FHIT: variants seen among roughly 807,000 people sequenced by gnomAD.
FHIT encodes the protein fragile histidine triad diadenosine triphosphatase.
In FHIT, 19 loss-of-function variants were observed where a neutral mutation model predicts 17.9. The observed-to-expected ratio is 1.06, with a 90% CI of 0.74 to 1.56. The LOEUF (loss-of-function observed/expected upper bound fraction) is 1.56. Ranked by LOEUF, FHIT falls within the 40% of genes most tolerant of loss-of-function variation. The pLI, the probability that FHIT is intolerant of heterozygous loss-of-function variation, is 0.00. For missense variants in FHIT, 248 were observed against 189.2 expected, an observed-to-expected ratio of 1.31 and a Z score of -1.82; for synonymous variants, 81 against 69.7, an observed-to-expected ratio of 1.16 and a Z score of -0.81.
chr3:61,077,694 C>T (rs1361544086), intron 2 of FHIT, among the ~76,000 whole-genome samples: 1 of 152,098 alleles, frequency 6.6e-6, no homozygotes, highest in Admixed American at 6.5e-5. Flanking sequence ...ATCTGGAAAG[C>T]CTTTTTCAAA....
chr3:60,670,028 G>A (rs958265622), intron 4 of FHIT, among the ~76,000 whole-genome samples: 4 of 152,150 alleles, frequency 2.6e-5, no homozygotes, highest in Admixed American at 2.6e-4. Context: ...TTGGCAAACA[G>A]AAGTTTTAAT....
chr3:60,580,965 G>C (rs2107679485), intron 4 of FHIT, among the ~76,000 whole-genome samples: 1 of 152,176 alleles, frequency 6.6e-6, no homozygotes, highest in Admixed American at 6.6e-5. Context: ...CTTTTAAAAT[G>C]CAGATTCTGA....
At position 60,069,123 on chromosome 3, in the gene FHIT, A is replaced by T. The variant is rs17062052; in HGVS notation, c.104-54971T>A. Reference sequence around the variant, plus strand: ...TGATCCTGTTTATAATCAAATCTAGATAATGTACATAAAGGGATATTAAGT... The same window carrying T: ...TGATCCTGTTTATAATCAAATCTAGTTAATGTACATAAAGGGATATTAAGT... On this transcript the variant is annotated intron_variant, in intron 5 of 9. Coordinates refer to ENST00000492590, the MANE Select transcript of FHIT (RefSeq NM_002012.4). 8.3e-3 allele frequency among the ~76,000 whole-genome samples: 1,098 copies of T among 132,592 alleles called. 8 individuals are homozygous for T. The highest frequency in any genetic ancestry group is 0.034 in the African/African-American group (1,040 of 30,492). 87.0% of individuals were successfully genotyped at this position (132,592 alleles called of 152,430 possible).
intron 5 of FHIT, chr3:60,077,279 G>C (rs879690510): frequency 6.6e-6 from 1 of 151,872 alleles, no homozygotes; most frequent in South Asian, 2.1e-4. Context: ...ATGTGTATAA[G>C]TACACATGCA....
intron 3 of FHIT, among the ~76,000 whole-genome samples, chr3:60,919,512 T>C (rs571312670): frequency 2.0e-5 from 3 of 151,910 alleles, no homozygotes; most frequent in Non-Finnish European, 2.9e-5. Context: ...AGTGTATTCA[T>C]GGTGTGGAGA....
rs568778563 is a variant in FHIT at position 60,507,718 on chromosome 3, C to A, written c.103+29142G>T. On this transcript the variant is annotated intron_variant, in intron 5 of 9. Transcript: ENST00000492590. ...CCCAGTATACATTGTTTCCTCGGCC[C>A]ATATGTCCTTGTGTTCTCATCATTT... Among the ~76,000 whole-genome samples, 18 of 152,196 alleles carry A rather than the reference C, an allele frequency of 1.2e-4. No homozygotes were observed. The East Asian group carries it at 3.3e-3, about 28-fold the overall frequency.
intron 8 of FHIT, among the ~76,000 whole-genome samples, chr3:59,899,547 T>C (rs965524270): frequency 6.6e-6 from 1 of 152,054 alleles, no homozygotes; most frequent in African/African-American, 2.4e-5. Flanking sequence ...GAATCAGCTA[T>C]TGTAGGCCAG....
chr3:61,067,538 C>T (rs1410980444), intron 2 of FHIT, among the ~76,000 whole-genome samples: 1 of 151,712 alleles, frequency 6.6e-6, no homozygotes, highest in Non-Finnish European at 1.5e-5. Flanking sequence ...GGGTCAGCCA[C>T]ATAGACATGG....
At chr3:61,245,284 T>A (rs961295945) in intron 1 of FHIT, among the ~76,000 whole-genome samples, 1 of 152,184 alleles carries the variant, frequency 6.6e-6, no homozygotes, top group Admixed American at 6.5e-5. Context: ...ATAGAAATTA[T>A]CGCCCCCATT....
intron 3 of FHIT, among the ~76,000 whole-genome samples, chr3:60,838,590 AG>A (rs1702614612): frequency 6.6e-6 from 1 of 152,188 alleles, no homozygotes; most frequent in Non-Finnish European, 1.5e-5. Flanking sequence ...CACAGGCAAT[AG>A]GATACTGGCT....
chr3:60,822,950 A>G (rs1258086692), intron 3 of FHIT, among the ~76,000 whole-genome samples: 2 of 152,184 alleles, frequency 1.3e-5, no homozygotes, highest in Admixed American at 1.3e-4. Context: ...TATCATAAAC[A>G]CCAATTCATT....
chr3:60,987,905 TA>T (rs2029867091), intron 3 of FHIT, among the ~76,000 whole-genome samples: 1 of 152,234 alleles, frequency 6.6e-6, no homozygotes, highest in Non-Finnish European at 1.5e-5. Flanking sequence ...TGATTTACTA[TA>T]TCTGATTGCA....
intron 3 of FHIT, among the ~76,000 whole-genome samples, chr3:60,846,337 AGAAACACATTTAGGTATGTAG>A (rs1263613532): frequency 6.6e-6 from 1 of 152,256 alleles, no homozygotes; most frequent in African/African-American, 2.4e-5. Context: ...TGTAGGAGTT[AGAAACACATTTAGGTATGTAG>A]GAAACACAAA....
At chr3:61,151,887 ATTCTT>A (rs1372792594) in intron 2 of FHIT, among the ~76,000 whole-genome samples, 1 of 152,088 alleles carries the variant, frequency 6.6e-6, no homozygotes, top group Non-Finnish European at 1.5e-5. Context: ...TCGGCCTGAT[ATTCTT>A]TTCTTAAATC....
intron 5 of FHIT, among the ~76,000 whole-genome samples, chr3:60,417,790 T>C (rs2107250526): frequency 6.6e-6 from 1 of 152,268 alleles, no homozygotes; most frequent in East Asian, 1.9e-4. Flanking sequence ...CTGTTAACTG[T>C]GATTAACGGC....
chr3:60,354,453 G>C (rs997156642), intron 5 of FHIT, among the ~76,000 whole-genome samples: 2 of 152,042 alleles, frequency 1.3e-5, no homozygotes, highest in Admixed American at 6.6e-5. Context: ...TCTGATATAA[G>C]ATGATTCTCG....
intron 7 of FHIT, among the ~76,000 whole-genome samples, chr3:59,966,156 A>T (rs1282353369): frequency 6.6e-6 from 1 of 152,238 alleles, no homozygotes; most frequent in African/African-American, 2.4e-5. Context: ...CTAACAAAGC[A>T]GAGGTATTCA....
chr3:61,104,833 T>C (rs947931743), intron 2 of FHIT, among the ~76,000 whole-genome samples: 1 of 152,110 alleles, frequency 6.6e-6, no homozygotes, highest in Non-Finnish European at 1.5e-5. Flanking sequence ...AACTCTGAAA[T>C]TGTTTCCTCT....
In FHIT at chr3:60,406,686, G is replaced by A. The variant is rs566489595; in HGVS notation, c.103+130174C>T. Among the ~76,000 whole-genome samples, 3 of 149,860 alleles carry A rather than the reference G, an allele frequency of 2.0e-5. No homozygotes were observed. In the South Asian group the frequency reaches 6.4e-4, roughly 32 times the overall value. On this transcript the variant is annotated intron_variant, in intron 5 of 9. Transcript: ENST00000492590. Reference sequence around the variant, plus strand: ...CTAGAGAAGGATGGTGGGGGGTGGTGTGGGGTGGGGTGGGGTATACACCTG... The same window carrying A: ...CTAGAGAAGGATGGTGGGGGGTGGTATGGGGTGGGGTGGGGTATACACCTG...
Sources: gnomAD v4.1 joint callset for allele counts (sites outside exome capture counted in the v4.1 genomes callset) on GRCh38, gnomAD v4.1.1 for gene constraint, MANE v1.5 for transcripts, NCBI Gene and HGNC (gene_info 2026-07-23, HGNC 2026-07-21) for gene names.